PIK3R3: variants seen among roughly 807,000 people sequenced by gnomAD.
PIK3R3 encodes phosphoinositide-3-kinase regulatory subunit 3, also known as phosphatidylinositol 3-kinase regulatory subunit gamma.
PIK3R3 carries 64 observed loss-of-function variants against 62.9 expected under a neutral mutation model. That is an observed-to-expected ratio of 1.02 (90% CI 0.83 to 1.25). PIK3R3 has a LOEUF of 1.25. PIK3R3 is among the 50% of genes most tolerant of loss of function. PIK3R3 has a pLI of 0.00. For synonymous variants in PIK3R3, 165 were observed against 189.0 expected (o/e 0.87, Z 1.04); for missense variants, 614 against 561.6 (o/e 1.09, Z -0.94).
intron 1 of PIK3R3, among the ~76,000 whole-genome samples, chr1:46,127,908 A>G (rs1655237468): frequency 6.6e-6 from 1 of 152,172 alleles, no homozygotes; most frequent in Non-Finnish European, 1.5e-5. Flanking sequence ...CAGTATATCT[A>G]CTGCTGCCAG....
chr1:46,149,768 G>T, the PIK3R3 span, among the ~76,000 whole-genome samples: 1 of 151,928 alleles, frequency 6.6e-6, no homozygotes, highest in Non-Finnish European at 1.5e-5. Context: ...TGACGTCAAG[G>T]GATCCACCTG....
intron 1 of PIK3R3, among the ~76,000 whole-genome samples, chr1:46,110,583 A>G (rs1166866279): frequency 2.0e-5 from 3 of 152,170 alleles, no homozygotes; most frequent in Non-Finnish European, 4.4e-5. Context: ...TTTAGTGATT[A>G]TAGTTTAGTT....
At chr1:46,150,800 ACT>A in the PIK3R3 span, among the ~76,000 whole-genome samples, 2 of 123,958 alleles carry the variant, frequency 1.6e-5, no homozygotes, top group Non-Finnish European at 3.4e-5. Flanking sequence ...TCTGGTAAAC[ACT>A]CTTTTTTTTT....
intron 1 of PIK3R3, among the ~76,000 whole-genome samples, chr1:46,089,149 G>C (rs1651367855): frequency 6.6e-6 from 1 of 152,130 alleles, no homozygotes; most frequent in African/African-American, 2.4e-5. Flanking sequence ...AAATAAACTA[G>C]GAAACCAGGC....
chr1:46,061,795 T>C, intron 6 of PIK3R3, 134 bp downstream of exon 6: 1 of 784,096 alleles, frequency 1.3e-6, no homozygotes, highest in Non-Finnish European at 2.2e-6. Context: ...TTGGTGCCAT[T>C]AGTGGAAACA....
intron 6 of PIK3R3, 68 bp from the exon 7 acceptor site, chr1:46,056,039 C>G (rs1456514542): frequency 4.9e-6 from 5 of 1,013,156 alleles, no homozygotes; most frequent in Non-Finnish European, 7.1e-6. Context: ...TGGGTGAGCA[C>G]GGTCCTAATA....
At position 46,040,383 on chromosome 1, in the gene PIK3R3, G is replaced by A. The variant is rs576720679; in HGVS notation, c.*3290C>T. 3.5e-4 allele frequency: 81 copies of A among 231,398 alleles called. 1 individual carries two copies. In the South Asian group the frequency reaches 0.014, roughly 40 times the overall value. The allele number at this position is 231,398 out of a possible 1,614,324, so 14.3% of individuals were successfully genotyped here. ...ATACAGTTGGCTTTCTTGTGAGTCA[G>A]ATATTTTTACGTAAACTACACGAAT... On this transcript the variant is annotated 3_prime_UTR_variant, in exon 10 of 10. Transcript: ENST00000262741.
At position 46,043,754 on chromosome 1, in the gene PIK3R3, T is replaced by C. The variant is rs775846970; in HGVS notation, c.1305A>G (p.Thr435=). The change falls in exon 10 of 10, where the codon ACA becomes ACG. Residue 435 remains threonine, a synonymous_variant. Coordinates refer to ENST00000262741, the MANE Select transcript of PIK3R3 (RefSeq NM_003629.4). ...GGGAGTCGTTGTGCTGAACCAAGGA[T>C]GTCTGCTGGTAATGGAGCACTAGCT... ...LKELVLHYQQ[T]SLVQHNDSLN... 8.1e-6 allele frequency: 13 copies of C among 1,614,212 alleles called. No individual in the cohort carries two copies. In the South Asian group the frequency reaches 1.1e-4, roughly 14 times the overall value.
In PIK3R3 at chr1:46,073,668, G is replaced by A. The variant is rs138701348; in HGVS notation, c.314+3847C>T. 8.0e-3 allele frequency among the ~76,000 whole-genome samples: 1,211 copies of A among 152,082 alleles called. 21 individuals carry two copies. The highest frequency in any genetic ancestry group is 8.8e-3 in the Non-Finnish European group (597 of 67,986). ...GGAGTCTTGCTCTGTCACCCAGGCC[G>A]GAGTGCAGTGGCGCGATCTTGGCTC... On this transcript the variant is annotated intron_variant, in intron 3 of 9. Coordinates refer to ENST00000262741, the MANE Select transcript of PIK3R3 (RefSeq NM_003629.4).
chr1:46,059,023 G>T (rs1398573027), intron 6 of PIK3R3, among the ~76,000 whole-genome samples: 1 of 152,218 alleles, frequency 6.6e-6, no homozygotes, highest in African/African-American at 2.4e-5. Context: ...TGAAACAACT[G>T]AATCATGGAG....
rs188254658 is a variant in PIK3R3 at position 46,097,601 on chromosome 1, C to G, written c.107-16851G>C. On this transcript the variant is annotated intron_variant, in intron 1 of 9. Coordinates refer to ENST00000262741, the MANE Select transcript of PIK3R3 (RefSeq NM_003629.4). ...TTCAACACTATAATTAAGATTCTAG[C>G]CAGGGGCTGGGCGTGGTGGCTCATA... Among the ~76,000 whole-genome samples the G allele has an allele frequency of 1.5e-3, 231 of 152,008 alleles. 3 individuals are homozygous for G. The highest frequency in any genetic ancestry group is 5.4e-3 in the African/African-American group (224 of 41,466).
chr1:46,062,832 G>A (rs1648634638), intron 5 of PIK3R3, among the ~76,000 whole-genome samples: 1 of 152,092 alleles, frequency 6.6e-6, no homozygotes, highest in African/African-American at 2.4e-5. Context: ...GGGTGGGTGG[G>A]TGGATTGGTT....
the PIK3R3 span, among the ~76,000 whole-genome samples, chr1:46,146,959 T>C: frequency 6.6e-6 from 1 of 152,066 alleles, no homozygotes; most frequent in Non-Finnish European, 1.5e-5. Flanking sequence ...CACGGACCTA[T>C]AGTAGCCTCT....
chr1:46,132,634 T>G, upstream of PIK3R3: 1 of 1,289,534 alleles, frequency 7.8e-7, no homozygotes, highest in Non-Finnish European at 1.0e-6. Context: ...CTGCCCGGAC[T>G]CCAGCCACTA....
chr1:46,051,917 C>T (rs6685465), intron 7 of PIK3R3, among the ~76,000 whole-genome samples: 30,999 of 151,930 alleles, frequency 0.2, 3,623 homozygotes, highest in Non-Finnish European at 0.26. Flanking sequence ...GCAGGCGGAT[C>T]ACAAGGTCAG....
chr1:46,145,433 T>G, the PIK3R3 span, among the ~76,000 whole-genome samples: 1 of 152,140 alleles, frequency 6.6e-6, no homozygotes, highest in East Asian at 1.9e-4. Context: ...AGTCCAAAAT[T>G]GGGCAGCCAC....
intron 6 of PIK3R3, among the ~76,000 whole-genome samples, chr1:46,061,579 T>C (rs1244293568): frequency 1.3e-5 from 2 of 152,192 alleles, no homozygotes. Context: ...GAGTTTACAG[T>C]TGAGTGGGCG....
chr1:46,101,593 C>T (rs537203440), intron 1 of PIK3R3, among the ~76,000 whole-genome samples: 5 of 152,194 alleles, frequency 3.3e-5, no homozygotes, highest in East Asian at 3.9e-4. Flanking sequence ...ATGTACAATG[C>T]GGTATTATTC....
At position 46,041,649 on chromosome 1, in the gene PIK3R3, C is replaced by T. The variant is rs1646998954; in HGVS notation, c.*2024G>A. The T allele has an allele frequency of 1.1e-5, 2 of 186,412 alleles. No homozygotes were observed. The allele number at this position is 186,412 out of a possible 1,614,324, so 11.5% of individuals were successfully genotyped here. Reference sequence around the variant, plus strand: ...GCTTCAGCAGGTTCAACACCAGGTGCAAAGCCATCCAGGTGTGCCCAACAG... The same window carrying T: ...GCTTCAGCAGGTTCAACACCAGGTGTAAAGCCATCCAGGTGTGCCCAACAG... On this transcript the variant is annotated 3_prime_UTR_variant, in exon 10 of 10. Transcript: ENST00000262741.
Sources: allele counts gnomAD v4.1 joint callset (sites outside exome capture counted in the v4.1 genomes callset), GRCh38; gene constraint gnomAD v4.1.1; transcripts MANE v1.5; gene names NCBI Gene and HGNC (gene_info 2026-07-23, HGNC 2026-07-21).